PACSIN2: variants seen among roughly 807,000 people sequenced by gnomAD.
PACSIN2 encodes the protein protein kinase C and casein kinase substrate in neurons protein 2.
PACSIN2 carries 25 observed loss-of-function variants against 63.8 expected under a neutral mutation model. The observed-to-expected ratio is 0.39, with a 90% CI of 0.29 to 0.55. The LOEUF (loss-of-function observed/expected upper bound fraction) is 0.55. Among genes scored for constraint, PACSIN2 ranks in the 20% least tolerant of loss-of-function variants. The pLI, the probability that PACSIN2 is intolerant of heterozygous loss-of-function variation, is 0.62. For missense variants in PACSIN2, 518 were observed against 646.9 expected, an observed-to-expected ratio of 0.80 and a Z score of 2.16; for synonymous variants, 255 against 256.2, an observed-to-expected ratio of 1.00 and a Z score of 0.05.
At chr22:42,946,709 C>A (rs573534012) in intron 1 of PACSIN2, among the ~76,000 whole-genome samples, 2 of 152,186 alleles carry the variant, frequency 1.3e-5, no homozygotes, top group Admixed American at 6.5e-5. Flanking sequence ...CACACATGAT[C>A]CTCTCTCGTC....
chr22:42,984,215 G>A (rs1922449028), intron 1 of PACSIN2, among the ~76,000 whole-genome samples: 1 of 151,912 alleles, frequency 6.6e-6, no homozygotes, highest in Admixed American at 6.6e-5. Flanking sequence ...CAAGTAATCT[G>A]CCTGTCCCAG....
chr22:42,997,720 T>C (rs1923507259), intron 1 of PACSIN2, among the ~76,000 whole-genome samples: 1 of 151,758 alleles, frequency 6.6e-6, no homozygotes, highest in Non-Finnish European at 1.5e-5. Context: ...TCAACAAAAA[T>C]TAGCCAGGCA....
At chr22:42,880,482 C>T (rs1928986184) in intron 7 of PACSIN2, 1 of 152,198 alleles carries the variant, frequency 6.6e-6, no homozygotes, top group Non-Finnish European at 1.5e-5. Flanking sequence ...GGCCGGCTCT[C>T]AATACCCCTG....
chr22:42,886,466 A>G (rs1309269722), intron 5 of PACSIN2, among the ~76,000 whole-genome samples: 2 of 151,928 alleles, frequency 1.3e-5, no homozygotes, highest in African/African-American at 4.8e-5. Context: ...GTATGTACCT[A>G]CCTACTTACC....
intron 2 of PACSIN2, among the ~76,000 whole-genome samples, chr22:42,893,845 G>A (rs1039688840): frequency 6.6e-6 from 1 of 152,134 alleles, no homozygotes; most frequent in African/African-American, 2.4e-5. Context: ...ATGTTCTTTA[G>A]GTTGGGTACC....
chr22:42,978,486 G>A (rs924507748), intron 1 of PACSIN2, among the ~76,000 whole-genome samples: 1 of 152,212 alleles, frequency 6.6e-6, no homozygotes, highest in Non-Finnish European at 1.5e-5. Flanking sequence ...AGAGCCAAAA[G>A]TCCACCCTCA....
chr22:42,917,520 C>T (rs1222572168), intron 1 of PACSIN2, among the ~76,000 whole-genome samples: 1 of 151,980 alleles, frequency 6.6e-6, no homozygotes, highest in Non-Finnish European at 1.5e-5. Flanking sequence ...GAGGCTGAGG[C>T]GAGAGGATTG....
intron 1 of PACSIN2, among the ~76,000 whole-genome samples, chr22:42,933,647 T>G (rs368514545): frequency 1.3e-5 from 2 of 152,198 alleles, no homozygotes; most frequent in Non-Finnish European, 1.5e-5. Flanking sequence ...ACAGATGACA[T>G]AGGTCCACCC....
intron 1 of PACSIN2, among the ~76,000 whole-genome samples, chr22:42,972,540 C>A (rs1921406084): frequency 6.6e-6 from 1 of 151,954 alleles, no homozygotes; most frequent in Admixed American, 6.6e-5. Context: ...TAAACCACCA[C>A]CATTTTAGAA....
intron 1 of PACSIN2, among the ~76,000 whole-genome samples, chr22:42,977,841 G>A (rs999835752): frequency 6.6e-6 from 1 of 152,168 alleles, no homozygotes; most frequent in Non-Finnish European, 1.5e-5. Context: ...CACCATGATT[G>A]TAGTTTCCTG....
At chr22:42,962,775 C>CGGGGGGGGGG (rs1555936911) in intron 1 of PACSIN2, among the ~76,000 whole-genome samples, 3 of 16,406 alleles carry the variant, frequency 1.8e-4, no homozygotes, top group African/African-American at 5.3e-4. Context: ...AAGGTGTGGG[C>CGGGGGGGGGG]GGGGGGGGGG....
intron 1 of PACSIN2, among the ~76,000 whole-genome samples, chr22:43,010,635 G>C (rs1244532806): frequency 6.6e-6 from 1 of 152,016 alleles, no homozygotes; most frequent in African/African-American, 2.4e-5. Flanking sequence ...GCATGAACTC[G>C]GGAGGCGCAG....
chr22:42,872,635 C>T (rs1928252008), intron 10 of PACSIN2, among the ~76,000 whole-genome samples: 1 of 152,258 alleles, frequency 6.6e-6, no homozygotes, highest in Non-Finnish European at 1.5e-5. Context: ...ATCCCACAGC[C>T]ATCACTCACT....
At chr22:42,992,846 C>A (rs1007300621) in intron 1 of PACSIN2, among the ~76,000 whole-genome samples, 3 of 152,110 alleles carry the variant, frequency 2.0e-5, no homozygotes, top group African/African-American at 7.2e-5. Flanking sequence ...AGAAGCCAGA[C>A]TAAAAATAAC....
intron 5 of PACSIN2, among the ~76,000 whole-genome samples, chr22:42,884,977 T>A (rs938891982): frequency 1.3e-5 from 2 of 152,170 alleles, no homozygotes; most frequent in Non-Finnish European, 2.9e-5. Flanking sequence ...CTGTCCTTTA[T>A]CAGATGAGGA....
At chr22:42,894,087 G>A (rs1930113191) in intron 2 of PACSIN2, among the ~76,000 whole-genome samples, 1 of 152,142 alleles carries the variant, frequency 6.6e-6, no homozygotes, top group African/African-American at 2.4e-5. Context: ...CCTACCATGT[G>A]CCAGGCGACC....
intron 1 of PACSIN2, among the ~76,000 whole-genome samples, chr22:42,962,788 C>G (rs1008059316): frequency 0.017 from 1,149 of 66,402 alleles, 1 homozygote; most frequent in East Asian, 0.061. Context: ...GGGGGGGGGG[C>G]GGCGCAGAAA....
rs373497696 is a variant in PACSIN2 at position 42,884,447 on chromosome 22, G to A, written c.724C>T (p.Arg242Cys). 3.0e-4 allele frequency: 490 copies of A among 1,614,104 alleles called. 1 individual carries two copies. Among genetic ancestry groups the A allele is most frequent in the Non-Finnish European group, 4.0e-4 (470 of 1,180,040 alleles). Residue 242 changes from arginine to cysteine, a missense_variant, in exon 6 of 11, where the codon CGC (arginine) becomes TGC (cysteine). Coordinates refer to ENST00000263246, the MANE Select transcript of PACSIN2 (RefSeq NM_001184970.3). ...QCQQFEEKRL[R>C]FFREVLLEVQ... ...TCCAGCAGAACCTCCCGGAAGAAGC[G>A]AAGGCGTTTCTCCTCGAACTGCTGG... is the stretch of plus-strand genomic sequence containing the variant.
chr22:42,961,634 G>A (rs1934139374), intron 1 of PACSIN2, among the ~76,000 whole-genome samples: 1 of 151,946 alleles, frequency 6.6e-6, no homozygotes, highest in Non-Finnish European at 1.5e-5. Flanking sequence ...TTGGCCAGGT[G>A]TAGTGGCACA....
Sources: gnomAD v4.1 joint callset for allele counts (sites outside exome capture counted in the v4.1 genomes callset) on GRCh38, gnomAD v4.1.1 for gene constraint, MANE v1.5 for transcripts, NCBI Gene and HGNC (gene_info 2026-07-23, HGNC 2026-07-21) for gene names.